Variants in SUPT20H observed in about 807,000 individuals in gnomAD.
SUPT20H encodes the protein SPT20 homolog, SAGA complex component, also known as transcription factor SPT20 homolog.
A neutral mutation model predicts 122.8 loss-of-function variants in SUPT20H; 82 were observed. The ratio of observed to expected loss-of-function variants is 0.67; its 90% CI spans 0.56 to 0.80. SUPT20H has a LOEUF of 0.80. Ranked by LOEUF, SUPT20H falls within the 30% of genes least tolerant of loss-of-function variation. The pLI is 0.00. For synonymous variants in SUPT20H, 291 were observed against 313.0 expected (o/e 0.93, Z 0.74); for missense variants, 831 against 921.6 (o/e 0.90, Z 1.27).
chr13:37,046,747 T>TA (rs2066522707), intron 5 of SUPT20H: 1 of 152,154 alleles, frequency 6.6e-6, no homozygotes, highest in African/African-American at 2.4e-5. Flanking sequence ...TGTCAAAACT[T>TA]AAAAAATCTA....
At chr13:37,025,593 A>C (rs1202520681) in intron 16 of SUPT20H, among the ~76,000 whole-genome samples, 156 bp from the exon 17 acceptor site, 1 of 152,214 alleles carries the variant, frequency 6.6e-6, no homozygotes, top group Non-Finnish European at 1.5e-5. Context: ...TTGTATTAAA[A>C]GTACATATTT....
rs1034513345 is a variant in SUPT20H at position 37,026,702 on chromosome 13, C to G, written c.1178+88G>C. ...AAAGTATACATATTTATCACTGATTCAAATAAAGTATATTTAGCAAGTCTT... is the reference window on the plus strand; with the variant it reads ...AAAGTATACATATTTATCACTGATTGAAATAAAGTATATTTAGCAAGTCTT... On this transcript the variant is annotated intron_variant, in intron 15 of 25. Coordinates refer to ENST00000350612, the MANE Select transcript of SUPT20H (RefSeq NM_001014286.3). 3 of 774,718 alleles carry G rather than the reference C, an allele frequency of 3.9e-6. No homozygotes were observed. In the Admixed American group the frequency reaches 1.1e-4, roughly 29 times the overall value. The allele number at this position is 774,718 out of a possible 1,614,324, so 48.0% of individuals were successfully genotyped here.
chr13:37,055,481 A>G (rs904921679), intron 1 of SUPT20H, among the ~76,000 whole-genome samples: 1 of 152,230 alleles, frequency 6.6e-6, no homozygotes, highest in African/African-American at 2.4e-5. Flanking sequence ...CAACCATCTG[A>G]TCTTTGACAA....
Position 37,010,558 on chromosome 13 carries a change from C to CTGT in SUPT20H, c.2193_2195dup (p.Gln732dup), listed in dbSNP as rs2059420777. 6.2e-7 allele frequency: 1 copy of CTGT among 1,613,464 alleles called. No individual in the cohort carries two copies. Among genetic ancestry groups the CTGT allele is most frequent in the Admixed American group, 1.7e-5 (1 of 59,936 alleles). ...AGTGAAGTTGCTGGATTACTTGTAT[C>CTGT]TGTTGCTGCTGCTGTTGAAAGGCAG... On this transcript the variant is annotated inframe_insertion, in exon 25 of 26. Transcript: ENST00000350612.
chr13:37,017,220 A>G, intron 23 of SUPT20H, 25 bp downstream of exon 23: 1 of 1,613,944 alleles, frequency 6.2e-7, no homozygotes, highest in South Asian at 1.1e-5. Context: ...ATGTAAAAGC[A>G]TATGGAAGGC....
intron 13 of SUPT20H, among the ~76,000 whole-genome samples, chr13:37,028,683 T>C (rs1442664361): frequency 6.6e-6 from 1 of 152,044 alleles, no homozygotes; most frequent in African/African-American, 2.4e-5. Context: ...CATATTTTCA[T>C]GGTTGGCACT....
chr13:37,031,276 T>A (rs1479078180), intron 12 of SUPT20H, among the ~76,000 whole-genome samples: 1 of 152,152 alleles, frequency 6.6e-6, no homozygotes, highest in Non-Finnish European at 1.5e-5. Flanking sequence ...TAATATACAC[T>A]GTATTTTTCC....
rs537089314 is a variant in SUPT20H, at chr13:37,010,261, A to C, written c.2202+291T>G. Among the ~76,000 whole-genome samples, 5 of 152,364 alleles carry C rather than the reference A, an allele frequency of 3.3e-5. No homozygotes were observed. In the East Asian group the frequency reaches 9.6e-4, roughly 29 times the overall value. ...TGCAGTAAAATATTAGAAAGTTAAC[A>C]ATTGGCACTTACAACTGTCTTTCAA... On this transcript the variant is annotated intron_variant, in intron 25 of 25. Coordinates refer to ENST00000350612, the MANE Select transcript of SUPT20H (RefSeq NM_001014286.3).
intron 9 of SUPT20H, 169 bp downstream of exon 9, chr13:37,040,236 T>C (rs910168171): frequency 2.1e-5 from 13 of 608,976 alleles, no homozygotes; most frequent in African/African-American, 7.7e-5. Context: ...TTACTACACA[T>C]ATAAAGAGAC....
At chr13:37,044,479 A>G (rs1216808371) in intron 6 of SUPT20H, among the ~76,000 whole-genome samples, 2 of 152,170 alleles carry the variant, frequency 1.3e-5, no homozygotes, top group African/African-American at 4.8e-5. Context: ...AAAGTAACTG[A>G]AAGTTCACTG....
In SUPT20H at chr13:37,054,300, G is replaced by A. The variant is rs553319278; in HGVS notation, c.-93-2717C>T. Among the ~76,000 whole-genome samples the A allele has an allele frequency of 2.6e-4, 40 of 152,206 alleles. No individual in the cohort carries two copies. The East Asian group carries it at 7.5e-3, about 29-fold the overall frequency. On this transcript the variant is annotated intron_variant, in intron 1 of 25. Coordinates refer to ENST00000350612, the MANE Select transcript of SUPT20H (RefSeq NM_001014286.3). ...AGCATCATCCTGATACCAAAGCCTG[G>A]CAGAGACACAACAAAAAAAGAGAAT... is the stretch of plus-strand genomic sequence containing the variant.
intron 1 of SUPT20H, among the ~76,000 whole-genome samples, chr13:37,052,597 A>T (rs2067984484): frequency 6.6e-6 from 1 of 152,242 alleles, no homozygotes; most frequent in Non-Finnish European, 1.5e-5. Flanking sequence ...AAACCTAGGC[A>T]ATACCATTCA....
At position 37,050,125 on chromosome 13, in the gene SUPT20H, A is replaced by C. The variant is rs1032425126; in HGVS notation, c.3+1363T>G. 4.6e-5 allele frequency among the ~76,000 whole-genome samples: 7 copies of C among 152,238 alleles called. No individual in the cohort carries two copies. The South Asian group carries it at 1.4e-3, about 32-fold the overall frequency. Reference sequence around the variant, plus strand: ...GCCTTCTTGCACTGTTCAATAAAAAACCCACATTATCAAATATCTAAATAT... The same window carrying C: ...GCCTTCTTGCACTGTTCAATAAAAACCCCACATTATCAAATATCTAAATAT... On this transcript the variant is annotated intron_variant, in intron 2 of 25. Transcript: ENST00000350612.
At chr13:37,019,885 A>C (rs1489060344) in intron 21 of SUPT20H, among the ~76,000 whole-genome samples, 3 of 152,202 alleles carry the variant, frequency 2.0e-5, no homozygotes, top group Non-Finnish European at 4.4e-5. Flanking sequence ...ATTTGTGTAT[A>C]AAGATCAAAA....
At chr13:37,024,679 G>T (rs116471447) in intron 17 of SUPT20H, 3,279 of 271,440 alleles carry the variant, frequency 0.012, 104 homozygotes, top group African/African-American at 0.066. Flanking sequence ...ATGAGGAAAA[G>T]ATTTCTGAGT....
At chr13:37,032,548 C>T (rs931286814) in intron 10 of SUPT20H, among the ~76,000 whole-genome samples, 1 of 152,144 alleles carries the variant, frequency 6.6e-6, no homozygotes, top group Non-Finnish European at 1.5e-5. Flanking sequence ...TAGCAGAAAC[C>T]TCCTCAGGAA....
intron 9 of SUPT20H, among the ~76,000 whole-genome samples, chr13:37,034,856 T>C (rs142078227): frequency 0.019 from 2,869 of 152,348 alleles, 37 homozygotes; most frequent in Non-Finnish European, 0.029. Flanking sequence ...TTGACCATTC[T>C]GAAAATCCTA....
At chr13:37,045,186 A>G in intron 6 of SUPT20H, 61 bp downstream of exon 6, 1 of 1,597,506 alleles carries the variant, frequency 6.3e-7, no homozygotes, top group Non-Finnish European at 8.5e-7. Context: ...CTACTTTAAA[A>G]AAACCGCACA....
intron 2 of SUPT20H, among the ~76,000 whole-genome samples, 161 bp from the exon 3 acceptor site, chr13:37,048,760 A>G (rs923222211): frequency 2.0e-5 from 3 of 152,176 alleles, no homozygotes; most frequent in African/African-American, 4.8e-5. Flanking sequence ...TAACAAAGAA[A>G]AAATATGAGT....
Sources: allele counts gnomAD v4.1 joint callset (sites outside exome capture counted in the v4.1 genomes callset), GRCh38; gene constraint gnomAD v4.1.1; transcripts MANE v1.5; gene names NCBI Gene and HGNC (gene_info 2026-07-23, HGNC 2026-07-21).